The following CPD variants were observed in gnomAD, a reference collection of about 807,000 sequenced individuals.
CPD encodes metallocarboxypeptidase D.
Under a neutral mutation model 138.3 loss-of-function variants are expected in CPD, and 69 were observed. That is an observed-to-expected ratio of 0.50 (90% CI 0.41 to 0.61). The LOEUF (loss-of-function observed/expected upper bound fraction) is 0.61, where lower values mean the gene tolerates loss of function less well. Ranked by LOEUF, CPD falls within the 20% of genes least tolerant of loss-of-function variation. The probability of loss-of-function intolerance (pLI) is 0.00; values close to 1 mark genes in which losing one functional copy is unlikely to be tolerated. For missense variants in CPD, 1,432 were observed against 1,733.3 expected (o/e 0.83, Z 3.09); for synonymous variants, 651 against 642.1 (o/e 1.01, Z -0.21).
intron 7 of CPD, among the ~76,000 whole-genome samples, chr17:30,431,278 C>G (rs1403070780): frequency 6.6e-6 from 1 of 152,106 alleles, no homozygotes; most frequent in Non-Finnish European, 1.5e-5. Context: ...GGAGAAATAT[C>G]TGTTCAAGTC....
Position 30,423,613 on chromosome 17 carries a change from C to G in CPD, c.1765C>G (p.Pro589Ala). 6.2e-7 allele frequency: 1 copy of G among 1,612,400 alleles called. No individual in the cohort carries two copies. The highest frequency in any genetic ancestry group is 8.5e-7 in the Non-Finnish European group (1 of 1,179,258). ...EYLCKNFGTD[P>A]EVTDLVHNTR... is the part of the protein sequence containing the mutation. ...CCTTTGTAAGAACTTTGGAACAGAC[C>G]CTGAAGTCACAGATTTGGTTCATAA... The change falls in exon 6 of 21, where the codon CCT becomes GCT. Residue 589 changes from proline (P) to alanine (A), a missense_variant. Physicochemically the swap from Pro to Ala is conservative, Grantham distance 27. Coordinates refer to ENST00000225719, the MANE Select transcript of CPD (RefSeq NM_001304.5).
chr17:30,380,988 G>C (rs369455141), intron 1 of CPD, among the ~76,000 whole-genome samples: 2 of 152,172 alleles, frequency 1.3e-5, no homozygotes, highest in South Asian at 4.1e-4. Context: ...GCGGGACTTG[G>C]AATCATTTCT....
chr17:30,442,100 G>C (rs1474284878), intron 9 of CPD, among the ~76,000 whole-genome samples: 1 of 152,086 alleles, frequency 6.6e-6, no homozygotes, highest in East Asian at 1.9e-4. Context: ...CCTGTTATTG[G>C]TCTATTAAGA....
At position 30,445,841 on chromosome 17, in the gene CPD, T is replaced by G. The variant is rs1479434666; in HGVS notation, c.2694T>G (p.Thr898=). The G allele has an allele frequency of 6.2e-7, 1 of 1,614,134 alleles. No homozygotes were observed. Residue 898 remains threonine (T), a synonymous_variant, in exon 12 of 21, where the codon ACT becomes ACG. Coordinates refer to ENST00000225719, the MANE Select transcript of CPD (RefSeq NM_001304.5). The part of the protein sequence containing the change: ...SSSTNDASDP[T]TKEFETLIKD... ...GCACCAATGATGCCAGTGATCCAAC[T>G]ACTAAAGAGTTTGAAACTTTAATTA...
chr17:30,406,808 A>G (rs781493752), intron 2 of CPD, among the ~76,000 whole-genome samples: 57 of 151,920 alleles, frequency 3.8e-4, no homozygotes, highest in Non-Finnish European at 6.3e-4. Context: ...TGAAATTGTT[A>G]TTATTATTTT....
chr17:30,450,839 A>G (rs987373344), intron 13 of CPD, among the ~76,000 whole-genome samples: 5 of 152,114 alleles, frequency 3.3e-5, no homozygotes, highest in Non-Finnish European at 4.4e-5. Context: ...AGCCTGGGTA[A>G]CAGGCTGGAA....
chr17:30,435,430 A>G (rs1912673579), intron 8 of CPD, among the ~76,000 whole-genome samples: 1 of 152,174 alleles, frequency 6.6e-6, no homozygotes, highest in South Asian at 2.1e-4. Flanking sequence ...TTTTTTAAAT[A>G]AATGGTGCTG....
chr17:30,458,758 CG>C (rs986203719), intron 17 of CPD, among the ~76,000 whole-genome samples: 1 of 151,638 alleles, frequency 6.6e-6, no homozygotes, highest in African/African-American at 2.4e-5. Flanking sequence ...CCCAGCTACC[CG>C]GGAGGCTGTG....
At chr17:30,435,435 G>T (rs981355529) in intron 8 of CPD, among the ~76,000 whole-genome samples, 2 of 151,954 alleles carry the variant, frequency 1.3e-5, no homozygotes, top group Admixed American at 1.3e-4. Context: ...TAAATAAATG[G>T]TGCTGGGACA....
intron 2 of CPD, among the ~76,000 whole-genome samples, chr17:30,410,055 T>C (rs1294634232): frequency 1.3e-5 from 2 of 152,240 alleles, no homozygotes; most frequent in Non-Finnish European, 1.5e-5. Context: ...TGGTATGTTG[T>C]GTATTTGATC....
chr17:30,392,953 A>T (rs1911398936), intron 2 of CPD, among the ~76,000 whole-genome samples: 1 of 152,204 alleles, frequency 6.6e-6, no homozygotes, highest in African/African-American at 2.4e-5. Context: ...ATTAGTTAGG[A>T]CAGCTGCCAT....
chr17:30,402,188 T>C (rs1911692614), intron 2 of CPD, among the ~76,000 whole-genome samples: 1 of 152,194 alleles, frequency 6.6e-6, no homozygotes, highest in Admixed American at 6.5e-5. Context: ...TTAGTTACTG[T>C]ATTTTTCTGA....
Position 30,378,958 on chromosome 17 carries a change from G to T in CPD, c.-23G>T. On this transcript the variant is annotated 5_prime_UTR_variant, in exon 1 of 21. Coordinates refer to ENST00000225719, the MANE Select transcript of CPD (RefSeq NM_001304.5). ...AGCGCTGAGCCGCGGGAGCGGAGCC[G>T]GGGTTAGCGGCGCTGCTGGAAGATG... The T allele has an allele frequency of 6.8e-7, 1 of 1,469,320 alleles. No individual in the cohort carries two copies. Among genetic ancestry groups the T allele is most frequent in the Non-Finnish European group, 8.9e-7 (1 of 1,124,004 alleles). The allele number at this position is 1,469,320 out of a possible 1,614,324, so 91.0% of individuals were successfully genotyped here. A position where few individuals can be genotyped will look rare whatever the true frequency, so the allele number is the denominator to read the frequency against.
intron 2 of CPD, among the ~76,000 whole-genome samples, chr17:30,396,386 AC>A (rs1567867420): frequency 6.6e-6 from 1 of 152,008 alleles, no homozygotes; most frequent in African/African-American, 2.4e-5. Context: ...AAAAAAAAAA[AC>A]AAAAAAAACT....
intron 6 of CPD, among the ~76,000 whole-genome samples, chr17:30,424,036 A>C (rs1912337954): frequency 1.3e-5 from 2 of 152,192 alleles, no homozygotes; most frequent in South Asian, 4.1e-4. Context: ...TTCTGAGCCA[A>C]ATATGAGTGA....
At chr17:30,451,901 A>G (rs1458938116) in intron 14 of CPD, 55 bp downstream of exon 14, 2 of 1,536,430 alleles carry the variant, frequency 1.3e-6, no homozygotes, top group Admixed American at 1.8e-5. Flanking sequence ...TCTTTCTGCT[A>G]GAAGATTGAT....
At chr17:30,414,324 C>T (rs577915703) in intron 2 of CPD, among the ~76,000 whole-genome samples, 1 of 152,112 alleles carries the variant, frequency 6.6e-6, no homozygotes, top group Non-Finnish European at 1.5e-5. Context: ...GCCTGTAATC[C>T]CAGCACTTTG....
intron 2 of CPD, among the ~76,000 whole-genome samples, chr17:30,416,617 A>G (rs1258691093): frequency 6.6e-6 from 1 of 152,178 alleles, no homozygotes; most frequent in Non-Finnish European, 1.5e-5. Flanking sequence ...CAGCCACAGT[A>G]GCTTTCTTTC....
intron 2 of CPD, among the ~76,000 whole-genome samples, chr17:30,405,069 A>G (rs1049688253): frequency 1.3e-5 from 2 of 152,294 alleles, no homozygotes; most frequent in South Asian, 4.1e-4. Context: ...CAATCAATTT[A>G]GAAGTTTATT....
Sources: gnomAD v4.1 joint callset for allele counts (sites outside exome capture counted in the v4.1 genomes callset) on GRCh38, gnomAD v4.1.1 for gene constraint, MANE v1.5 for transcripts, NCBI Gene and HGNC (gene_info 2026-07-23, HGNC 2026-07-21) for gene names.